MCOLN2: variants seen among roughly 807,000 people sequenced by gnomAD.
MCOLN2 encodes mucolipin TRP cation channel 2, also known as mucolipin-2.
A neutral mutation model predicts 67.5 loss-of-function variants in MCOLN2; 57 were observed. The ratio of observed to expected loss-of-function variants is 0.84; its 90% CI spans 0.68 to 1.05. The LOEUF (loss-of-function observed/expected upper bound fraction) is 1.05. MCOLN2 is among the 50% of genes least tolerant of loss of function. The pLI is 0.00. For synonymous variants in MCOLN2, 246 were observed against 233.3 expected, an observed-to-expected ratio of 1.05 and a Z score of -0.50; for missense variants, 620 against 678.8, an observed-to-expected ratio of 0.91 and a Z score of 0.96.
intron 12 of MCOLN2, chr1:84,929,992 A>G (rs1661333660): frequency 4.9e-6 from 1 of 202,552 alleles, no homozygotes; most frequent in Non-Finnish European, 1.0e-5. Flanking sequence ...TCTGGGTATG[A>G]TGGCTCATGC....
At chr1:84,931,039 G>A (rs1384672470) in intron 12 of MCOLN2, among the ~76,000 whole-genome samples, 1 of 152,106 alleles carries the variant, frequency 6.6e-6, no homozygotes, top group East Asian at 1.9e-4. Flanking sequence ...TGAAACTTAT[G>A]ACTCAATCCT....
At chr1:84,948,867 T>C (rs745779589) in intron 6 of MCOLN2, among the ~76,000 whole-genome samples, 1 of 152,272 alleles carries the variant, frequency 6.6e-6, no homozygotes, top group Non-Finnish European at 1.5e-5. Context: ...TGCAGTGGCC[T>C]GCCTGTAATC....
chr1:84,988,288 G>A (rs745851377), intron 1 of MCOLN2, among the ~76,000 whole-genome samples: 3 of 151,972 alleles, frequency 2.0e-5, no homozygotes, highest in Non-Finnish European at 2.9e-5. Context: ...TTGGACTCAA[G>A]CAATCCTCCC....
intron 13 of MCOLN2, among the ~76,000 whole-genome samples, chr1:84,928,450 C>T (rs1174316480): frequency 1.3e-5 from 2 of 152,148 alleles, no homozygotes; most frequent in Non-Finnish European, 2.9e-5. Flanking sequence ...AAACATTTAA[C>T]AACCTCCCAG....
chr1:84,947,201 T>TAA, intron 6 of MCOLN2, 69 bp from the exon 7 acceptor site: 2 of 769,318 alleles, frequency 2.6e-6, no homozygotes, highest in Non-Finnish European at 4.4e-6. Flanking sequence ...CAAATCTGCT[T>TAA]AAAAAAAAAA....
chr1:84,995,899 G>C (rs907248635), intron 1 of MCOLN2, among the ~76,000 whole-genome samples: 1 of 152,018 alleles, frequency 6.6e-6, no homozygotes, highest in Non-Finnish European at 1.5e-5. Context: ...TTTATTACAG[G>C]AGGTTAAATA....
chr1:84,992,653 C>T (rs918208923), intron 1 of MCOLN2, among the ~76,000 whole-genome samples: 5 of 152,316 alleles, frequency 3.3e-5, no homozygotes, highest in African/African-American at 1.2e-4. Context: ...GCAAATACTG[C>T]AGTAAAGCAA....
At chr1:84,979,940 T>G (rs1650172015) in intron 1 of MCOLN2, among the ~76,000 whole-genome samples, 1 of 152,022 alleles carries the variant, frequency 6.6e-6, no homozygotes, top group African/African-American at 2.4e-5. Context: ...AAGACTCCAC[T>G]AAAAAACAGT....
intron 1 of MCOLN2, among the ~76,000 whole-genome samples, chr1:84,995,179 CA>C (rs1214584489): frequency 6.6e-6 from 1 of 152,022 alleles, no homozygotes; most frequent in East Asian, 1.9e-4. Flanking sequence ...ATCACCATAA[CA>C]GATATAATAA....
chr1:84,974,987 A>C (rs1346870667), intron 1 of MCOLN2, among the ~76,000 whole-genome samples: 1 of 152,158 alleles, frequency 6.6e-6, no homozygotes, highest in East Asian at 1.9e-4. Flanking sequence ...GAAGAACTGC[A>C]TCTTGTAATT....
intron 1 of MCOLN2, among the ~76,000 whole-genome samples, chr1:84,993,246 C>T (rs1268939041): frequency 1.3e-5 from 2 of 152,242 alleles, no homozygotes; most frequent in Non-Finnish European, 2.9e-5. Flanking sequence ...GCAATTCTGT[C>T]ACATCTTCAG....
intron 2 of MCOLN2, among the ~76,000 whole-genome samples, chr1:84,962,626 C>T (rs896327651): frequency 3.9e-5 from 6 of 151,958 alleles, no homozygotes; most frequent in African/African-American, 9.7e-5. Context: ...CAGGCAAGGC[C>T]CAGTGGGGGA....
chr1:84,927,605 T>C (rs1211769164), intron 13 of MCOLN2, among the ~76,000 whole-genome samples: 2 of 152,184 alleles, frequency 1.3e-5, no homozygotes, highest in Admixed American at 6.5e-5. Flanking sequence ...TTGGACTGCT[T>C]TGTTGAAGAG....
At chr1:84,973,875 T>A (rs1322514783) in intron 1 of MCOLN2, among the ~76,000 whole-genome samples, 1 of 152,178 alleles carries the variant, frequency 6.6e-6, no homozygotes, top group Admixed American at 6.5e-5. Context: ...TAACTTTGTA[T>A]TGCTAAAAGA....
chr1:84,973,238 A>T (rs555998678), intron 1 of MCOLN2, among the ~76,000 whole-genome samples: 1 of 152,168 alleles, frequency 6.6e-6, no homozygotes, highest in Non-Finnish European at 1.5e-5. Flanking sequence ...ACACTTTGGG[A>T]GACTGAGGCA....
intron 1 of MCOLN2, among the ~76,000 whole-genome samples, chr1:84,967,615 T>C (rs1284619192): frequency 2.0e-5 from 3 of 151,998 alleles, no homozygotes; most frequent in East Asian, 3.9e-4. Context: ...CTCCTGTTTC[T>C]AGTATTAGTG....
chr1:84,963,104 T>C (rs574565455), intron 2 of MCOLN2, among the ~76,000 whole-genome samples: 10 of 152,338 alleles, frequency 6.6e-5, no homozygotes, highest in African/African-American at 2.4e-4. Context: ...AAATCCCAGT[T>C]CTGTCACTTA....
At chr1:84,969,206 G>T (rs957557261) in intron 1 of MCOLN2, among the ~76,000 whole-genome samples, 18 of 152,150 alleles carry the variant, frequency 1.2e-4, no homozygotes, top group African/African-American at 2.4e-5. Context: ...AGTTCTGTGA[G>T]CCTCCCTAGC....
chr1:84,942,505 T>C (rs910804500), intron 7 of MCOLN2, among the ~76,000 whole-genome samples: 2 of 152,204 alleles, frequency 1.3e-5, no homozygotes, highest in Admixed American at 1.3e-4. Flanking sequence ...CAAGTTCATA[T>C]ACAAAGAGCC....
Sources: allele counts gnomAD v4.1 joint callset (sites outside exome capture counted in the v4.1 genomes callset), GRCh38; gene constraint gnomAD v4.1.1; transcripts MANE v1.5; gene names NCBI Gene and HGNC (gene_info 2026-07-23, HGNC 2026-07-21).